Variants in ADCYAP1R1 observed in about 807,000 individuals in gnomAD.
The protein encoded by ADCYAP1R1 is pituitary adenylate cyclase-activating polypeptide type I receptor.
ADCYAP1R1 carries 44 observed loss-of-function variants against 67.6 expected under a neutral mutation model. The ratio of observed to expected loss-of-function variants is 0.65; its 90% CI spans 0.51 to 0.84. The LOEUF is 0.84. Ranked by LOEUF, ADCYAP1R1 falls within the 40% of genes least tolerant of loss-of-function variation. ADCYAP1R1 has a pLI of 0.00. For missense variants in ADCYAP1R1, 477 were observed against 587.9 expected (o/e 0.81, Z 1.95); for synonymous variants, 222 against 219.6 (o/e 1.01, Z -0.10).
intron 13 of ADCYAP1R1, chr7:31,095,544 G>T (rs1796151825): frequency 1.0e-5 from 7 of 698,458 alleles, no homozygotes; most frequent in South Asian, 1.5e-5. Flanking sequence ...GCAGTGAATG[G>T]GGGGAGAGGG....
intron 13 of ADCYAP1R1, among the ~76,000 whole-genome samples, chr7:31,101,859 T>C (rs1451418561): frequency 1.3e-5 from 2 of 152,196 alleles, no homozygotes; most frequent in Non-Finnish European, 1.5e-5. Context: ...CATCTGGGCT[T>C]AGCAGGAACC....
intron 1 of ADCYAP1R1, among the ~76,000 whole-genome samples, chr7:31,060,600 G>A (rs1302127240): frequency 6.6e-6 from 1 of 151,934 alleles, no homozygotes; most frequent in Non-Finnish European, 1.5e-5. Context: ...TCAAGTGGTG[G>A]CCCTGGGGAT....
chr7:31,098,898 T>C (rs1796323280), intron 13 of ADCYAP1R1, among the ~76,000 whole-genome samples: 3 of 152,166 alleles, frequency 2.0e-5, no homozygotes, highest in South Asian at 2.1e-4. Flanking sequence ...AGGTCCAATC[T>C]GATTTATTAA....
chr7:31,080,731 G>T (rs1795482530), intron 5 of ADCYAP1R1, 98 bp downstream of exon 5: 1 of 1,326,500 alleles, frequency 7.5e-7, no homozygotes, highest in Non-Finnish European at 1.1e-6. Context: ...TGGGATTGGG[G>T]TGGGGGTGGA....
intron 14 of ADCYAP1R1, among the ~76,000 whole-genome samples, chr7:31,104,545 A>G (rs1347674142): frequency 6.6e-6 from 1 of 152,102 alleles, no homozygotes; most frequent in Non-Finnish European, 1.5e-5. Flanking sequence ...GCTAAGAGAA[A>G]TTCTAGGGCA....
At position 31,110,775 on chromosome 7, in the gene ADCYAP1R1, T is replaced by C. The variant is rs950339915; in HGVS notation, c.*4091T>C. On this transcript the variant is annotated 3_prime_UTR_variant, in exon 16 of 16. Coordinates refer to ENST00000304166, the MANE Select transcript of ADCYAP1R1 (RefSeq NM_001118.5). ...CCTTCTTTGGGCCTCGGCCTCCTAA[T>C]CTGGGTAATGGGGAGGACTTCATTG... The C allele has an allele frequency of 1.5e-4, 23 of 152,296 alleles. No homozygotes were observed. Among genetic ancestry groups the C allele is most frequent in the African/African-American group, 5.1e-4 (21 of 41,450 alleles). The allele number at this position is 152,296 out of a possible 1,614,324, so 9.4% of individuals were successfully genotyped here. A position where few individuals can be genotyped will look rare whatever the true frequency, so the allele number is the denominator to read the frequency against.
chr7:31,081,651 A>G, intron 5 of ADCYAP1R1, 62 bp from the exon 6 acceptor site: 1 of 1,383,126 alleles, frequency 7.2e-7, no homozygotes, highest in Non-Finnish European at 1.0e-6. Context: ...CAGGGTGGAG[A>G]GTAAACAGTA....
At chr7:31,067,724 G>T (rs537291042) in intron 3 of ADCYAP1R1, among the ~76,000 whole-genome samples, 45 of 152,274 alleles carry the variant, frequency 3.0e-4, no homozygotes, top group African/African-American at 9.9e-4. Flanking sequence ...TCTTTGAAGG[G>T]CCCTTAACAC....
At chr7:31,089,429 T>G (rs1795876078) in intron 12 of ADCYAP1R1, among the ~76,000 whole-genome samples, 2 of 151,920 alleles carry the variant, frequency 1.3e-5, no homozygotes, top group Non-Finnish European at 2.9e-5. Flanking sequence ...TTCAGTTTTT[T>G]TTTTTTTTTT....
rs779909586 is a variant in ADCYAP1R1 at position 31,085,434 on chromosome 7, A to G, written c.661A>G (p.Ile221Val). The change falls in exon 9 of 16, where the codon ATC becomes GTC. Residue 221 changes from isoleucine to valine, a missense_variant. Ile to Val is a conservative substitution (Grantham distance 29). Coordinates refer to ENST00000304166, the MANE Select transcript of ADCYAP1R1 (RefSeq NM_001118.5). ...GGAGCAGGACAGCAACCACTGCTTC[A>G]TCTCCACTGTGAGTGAGCCAAGCAG... is the stretch of plus-strand genomic sequence containing the variant. ...YAEQDSNHCF[I>V]STVECKAVMV... The G allele has an allele frequency of 6.2e-7, 1 of 1,613,000 alleles. No homozygotes were observed. The highest frequency in any genetic ancestry group is 1.3e-5 in the African/African-American group (1 of 75,032).
intron 4 of ADCYAP1R1, 37 bp downstream of exon 4, chr7:31,078,135 T>TAAAG: frequency 6.5e-7 from 1 of 1,530,842 alleles, no homozygotes; most frequent in Non-Finnish European, 8.8e-7. Flanking sequence ...CACGCTGGCC[T>TAAAG]AGCCTGCTCC....
At chr7:31,068,215 G>GCGCAAACA (rs35207713) in intron 3 of ADCYAP1R1, among the ~76,000 whole-genome samples, 1 of 149,902 alleles carries the variant, frequency 6.7e-6, no homozygotes, top group African/African-American at 2.4e-5. Context: ...ATGTGCGCGC[G>GCGCAAACA]CACACACACA....
intron 13 of ADCYAP1R1, among the ~76,000 whole-genome samples, chr7:31,098,368 T>C (rs965923354): frequency 1.3e-5 from 2 of 152,238 alleles, no homozygotes; most frequent in Non-Finnish European, 2.9e-5. Flanking sequence ...CATTGAGGAA[T>C]CATGAAGAAA....
chr7:31,078,169 C>T, intron 4 of ADCYAP1R1, 71 bp downstream of exon 4: 5 of 1,325,070 alleles, frequency 3.8e-6, no homozygotes, highest in Non-Finnish European at 1.0e-6. Flanking sequence ...CAGGCAAGCA[C>T]CAAGGACAGG....
At position 31,094,265 on chromosome 7, in the gene ADCYAP1R1, T is replaced by TG. The variant is rs1312140830; in HGVS notation, c.1046+1536dup. On this transcript the variant is annotated intron_variant, in intron 13 of 15. Coordinates refer to ENST00000304166, the MANE Select transcript of ADCYAP1R1 (RefSeq NM_001118.5). Reference sequence around the variant, plus strand: ...GTCTTAGAGGCCCTGCCCTGTGGGGTGGGGGGCCAGCCCTTTGCTACTACA... The same window carrying TG: ...GTCTTAGAGGCCCTGCCCTGTGGGGTGGGGGGGCCAGCCCTTTGCTACTACA... 2.6e-5 allele frequency among the ~76,000 whole-genome samples: 4 copies of TG among 152,084 alleles called. No homozygotes were observed. In the South Asian group the frequency reaches 6.2e-4, roughly 24 times the overall value.
intron 4 of ADCYAP1R1, among the ~76,000 whole-genome samples, chr7:31,079,566 G>A (rs1490160671): frequency 3.9e-5 from 6 of 152,216 alleles, no homozygotes; most frequent in African/African-American, 1.4e-4. Context: ...GAGGCAAAAG[G>A]CAAATTTGCT....
At chr7:31,072,305 G>A (rs567829746) in intron 3 of ADCYAP1R1, among the ~76,000 whole-genome samples, 1 of 152,248 alleles carries the variant, frequency 6.6e-6, no homozygotes, top group East Asian at 1.9e-4. Context: ...TTCAAGGGTG[G>A]TCCAGAGAAG....
At chr7:31,066,440 A>C (rs1390183281) in intron 3 of ADCYAP1R1, among the ~76,000 whole-genome samples, 1 of 152,096 alleles carries the variant, frequency 6.6e-6, no homozygotes, top group East Asian at 1.9e-4. Flanking sequence ...GTCCACAGGG[A>C]TGTCGTGGCA....
In ADCYAP1R1 at chr7:31,063,178, T is replaced by G; in HGVS notation, c.-71-16T>G. On this transcript the variant is annotated splice_polypyrimidine_tract_variant and intron_variant, in intron 1 of 15. Transcript: ENST00000304166. ...GCACTGGGCTCACAGGATTCACACCTTTCCTTCCTCTCTAGCCCAGAGACA... is the reference window on the plus strand; with the variant it reads ...GCACTGGGCTCACAGGATTCACACCGTTCCTTCCTCTCTAGCCCAGAGACA... 1 of 1,549,180 alleles carries G rather than the reference T, an allele frequency of 6.5e-7. No homozygotes were observed. Among genetic ancestry groups the G allele is most frequent in the Non-Finnish European group, 8.9e-7 (1 of 1,122,340 alleles).
Sources: allele counts gnomAD v4.1 joint callset (sites outside exome capture counted in the v4.1 genomes callset), GRCh38; gene constraint gnomAD v4.1.1; transcripts MANE v1.5; gene names NCBI Gene and HGNC (gene_info 2026-07-23, HGNC 2026-07-21).